Variants in DHRSX observed in about 807,000 individuals in gnomAD.
DHRSX encodes dehydrogenase/reductase X-linked.
In DHRSX, 31 loss-of-function variants were observed where a neutral mutation model predicts 34.0. The observed-to-expected ratio is 0.91, with a 90% CI of 0.69 to 1.23. DHRSX has a LOEUF of 1.23. DHRSX is among the 50% of genes most tolerant of loss of function. The pLI, the probability that DHRSX is intolerant of heterozygous loss-of-function variation, is 0.00. For missense variants in DHRSX, 414 were observed against 428.1 expected (o/e 0.97, Z 0.29); for synonymous variants, 201 against 183.8 (o/e 1.09, Z -0.76).
chrX:2,295,523 A>G (rs1399971239), intron 3 of DHRSX, among the ~76,000 whole-genome samples: 12 of 152,198 alleles, frequency 7.9e-5, no homozygotes, highest in Non-Finnish European at 1.8e-4. Context: ...GTGTATACCT[A>G]TGTAACAAAC....
intron 3 of DHRSX, among the ~76,000 whole-genome samples, chrX:2,323,521 A>C (rs1196021819): frequency 1.3e-5 from 2 of 152,106 alleles, no homozygotes; most frequent in Admixed American, 1.3e-4. Flanking sequence ...CCAGCACTTT[A>C]AGAGGCCCAG....
intron 3 of DHRSX, among the ~76,000 whole-genome samples, chrX:2,379,580 G>A (rs2043180123): frequency 6.7e-6 from 1 of 149,072 alleles, no homozygotes; most frequent in African/African-American, 2.5e-5. Flanking sequence ...AGCGACCTGT[G>A]GGCTGGCAGT....
At chrX:2,290,626 G>A (rs1423215370) in intron 4 of DHRSX, among the ~76,000 whole-genome samples, 1 of 152,134 alleles carries the variant, frequency 6.6e-6, no homozygotes, top group Admixed American at 6.6e-5. Flanking sequence ...ACTGTTTGAC[G>A]TACGTCTGTT....
chrX:2,469,287 C>A (rs1430219793), intron 1 of DHRSX, among the ~76,000 whole-genome samples: 3 of 150,426 alleles, frequency 2.0e-5, no homozygotes, highest in Admixed American at 6.6e-5. Context: ...ACCGTGTACA[C>A]GCTGAAGACA....
intron 6 of DHRSX, among the ~76,000 whole-genome samples, chrX:2,233,333 C>T (rs969351262): frequency 3.5e-4 from 53 of 150,418 alleles, no homozygotes; most frequent in African/African-American, 1.1e-3. Flanking sequence ...AAATCATGCT[C>T]CCTGTGGCTT....
intron 6 of DHRSX, among the ~76,000 whole-genome samples, chrX:2,225,680 T>A (rs2015642499): frequency 7.1e-6 from 1 of 140,894 alleles, no homozygotes; most frequent in South Asian, 2.3e-4. Flanking sequence ...GACTAAGACA[T>A]GTCATAAGAA....
chrX:2,256,143 T>A (rs1378475630), intron 5 of DHRSX, among the ~76,000 whole-genome samples: 1 of 149,880 alleles, frequency 6.7e-6, no homozygotes, highest in Non-Finnish European at 1.5e-5. Flanking sequence ...TACAGGGACA[T>A]GCCACCATGC....
chrX:2,220,852 T>C lies in DHRSX; in HGVS notation c.*189A>G. ...ATGGTTGAAGACCACTTGGGGTGAT[T>C]ATCCTCCAAAATGTTTATTTGGCTT... On this transcript the variant is annotated 3_prime_UTR_variant, in exon 7 of 7. Coordinates refer to ENST00000334651, the MANE Select transcript of DHRSX (RefSeq NM_145177.3). The C allele has an allele frequency of 1.8e-6, 1 of 555,378 alleles. No individual in the cohort carries two copies. 34.4% of individuals were successfully genotyped at this position (555,378 alleles called of 1,614,324 possible). A position where few individuals can be genotyped will look rare whatever the true frequency, so the allele number is the denominator to read the frequency against.
At chrX:2,286,177 T>G (rs2041802924) in intron 4 of DHRSX, among the ~76,000 whole-genome samples, 1 of 151,838 alleles carries the variant, frequency 6.6e-6, no homozygotes, top group African/African-American at 2.4e-5. Flanking sequence ...ATGAGAAAAA[T>G]ACTTTGCTTC....
intron 3 of DHRSX, among the ~76,000 whole-genome samples, chrX:2,364,443 T>C (rs2042974914): frequency 6.6e-6 from 1 of 152,186 alleles, no homozygotes; most frequent in African/African-American, 2.4e-5. Context: ...TGCCTTAGCA[T>C]GACAGATTGT....
At chrX:2,286,690 A>AG (rs1422770603) in intron 4 of DHRSX, among the ~76,000 whole-genome samples, 3 of 94,644 alleles carry the variant, frequency 3.2e-5, no homozygotes, top group Non-Finnish European at 5.9e-5. Context: ...GTACCCACAG[A>AG]GGAAAAAAAA....
At chrX:2,248,836 C>T (rs1341069024) in intron 5 of DHRSX, among the ~76,000 whole-genome samples, 1 of 152,100 alleles carries the variant, frequency 6.6e-6, no homozygotes, top group African/African-American at 2.4e-5. Context: ...ACACCCTCTT[C>T]CTCCAATCCT....
chrX:2,446,510 A>G (rs2044137833), intron 1 of DHRSX, among the ~76,000 whole-genome samples: 1 of 151,636 alleles, frequency 6.6e-6, no homozygotes, highest in Admixed American at 6.6e-5. Flanking sequence ...CACACTGAAG[A>G]TGGTCCCTAA....
intron 3 of DHRSX, among the ~76,000 whole-genome samples, chrX:2,319,754 T>A (rs759403371): frequency 1.5e-4 from 23 of 151,766 alleles, no homozygotes; most frequent in African/African-American, 5.6e-4. Context: ...TTTGGGGGAG[T>A]CAGAACCTAT....
At chrX:2,265,082 A>G (rs1052252301) in intron 5 of DHRSX, among the ~76,000 whole-genome samples, 6 of 145,706 alleles carry the variant, frequency 4.1e-5, no homozygotes, top group African/African-American at 1.3e-4. Flanking sequence ...ACCAGTATCC[A>G]GCAGACGCAG....
At position 2,291,504 on chromosome X, in the gene DHRSX, T is replaced by C. The variant is rs749531724; in HGVS notation, c.386A>G (p.Asn129Ser). ...KKIPLHVLIN[N>S]AGVMMVPQRK... is the part of the protein sequence containing the mutation. ...GCTGCAATTTCACCAGGACTCACCA[T>C]TGTTGATCAGGACATGGAGAGGAAT... Residue 129 changes from asparagine (N) to serine (S), a missense_variant and splice_region_variant, in exon 4 of 7, where the codon AAT (asparagine) becomes AGT (serine). By Grantham distance (46) the Asn-to-Ser change is conservative. Transcript: ENST00000334651. The C allele has an allele frequency of 1.5e-5, 25 of 1,613,202 alleles. No homozygotes were observed. The highest frequency in any genetic ancestry group is 5.0e-5 in the Admixed American group (3 of 59,974).
intron 3 of DHRSX, among the ~76,000 whole-genome samples, chrX:2,313,002 A>T (rs868002124): frequency 6.7e-4 from 72 of 107,046 alleles, no homozygotes; most frequent in African/African-American, 2.6e-3. Flanking sequence ...GCTTCAAGAT[A>T]TATATTTTTT....
intron 3 of DHRSX, chrX:2,337,887 A>T (rs2042588424): frequency 6.6e-6 from 1 of 151,864 alleles, no homozygotes; most frequent in South Asian, 2.1e-4. Context: ...AGCTTCATAG[A>T]CTGTCTTGTG....
At chrX:2,478,435 GT>G (rs1202555309) in intron 1 of DHRSX, among the ~76,000 whole-genome samples, 1 of 152,168 alleles carries the variant, frequency 6.6e-6, no homozygotes, top group East Asian at 1.9e-4. Context: ...AACTGAAGAC[GT>G]TTTCTAAGAA....
Sources: allele counts gnomAD v4.1 joint callset (sites outside exome capture counted in the v4.1 genomes callset), GRCh38; gene constraint gnomAD v4.1.1; transcripts MANE v1.5; gene names NCBI Gene and HGNC (gene_info 2026-07-23, HGNC 2026-07-21).